The following LNP1 variants were observed in gnomAD, a reference collection of about 807,000 sequenced individuals.
LNP1 encodes the protein leukemia NUP98 fusion partner 1.
LNP1 carries 12 observed loss-of-function variants against 14.5 expected under a neutral mutation model. The observed-to-expected ratio is 0.83, with a 90% CI of 0.53 to 1.34. The LOEUF (loss-of-function observed/expected upper bound fraction) is 1.34. LNP1 is among the 40% of genes most tolerant of loss of function. The pLI is 0.00. For missense variants in LNP1, 198 were observed against 210.9 expected, an observed-to-expected ratio of 0.94 and a Z score of 0.38; for synonymous variants, 75 against 71.4, an observed-to-expected ratio of 1.05 and a Z score of -0.26.
chr3:100,433,698 C>T (rs1397192374), intron 2 of LNP1, among the ~76,000 whole-genome samples: 1 of 152,186 alleles, frequency 6.6e-6, no homozygotes, highest in Non-Finnish European at 1.5e-5. Flanking sequence ...TAAAAGTGTT[C>T]CTATTTCTCC....
At position 100,429,872 on chromosome 3, in the gene LNP1, C is replaced by A; in HGVS notation, c.143C>A (p.Ser48Tyr). Residue 48 changes from serine (S) to tyrosine (Y), a missense_variant, in exon 2 of 4, where the codon TCC (serine) becomes TAC (tyrosine). Ser to Tyr is a moderately radical substitution (Grantham distance 144, BLOSUM62 -2). Coordinates refer to ENST00000383693, the MANE Select transcript of LNP1 (RefSeq NM_001085451.2). ...CAAGCCACCAGTCACAGGAAAACCT[C>A]CCTGCCCTGCCCAGTGAGTGATTGT... ...RLQATSHRKTSLPCPLPVLPR... is the reference protein window; with the variant it reads ...RLQATSHRKTYLPCPLPVLPR... The A allele has an allele frequency of 6.2e-7, 1 of 1,613,554 alleles. No individual in the cohort carries two copies. The highest frequency in any genetic ancestry group is 8.5e-7 in the Non-Finnish European group (1 of 1,179,716).
intron 1 of LNP1, among the ~76,000 whole-genome samples, chr3:100,418,567 A>G (rs191699924): frequency 1.1e-4 from 16 of 152,294 alleles, no homozygotes; most frequent in Middle Eastern, 3.4e-3. Context: ...TTAGAATGAC[A>G]TAGGGTGCAG....
At chr3:100,416,892 C>A (rs568925218) in intron 1 of LNP1, among the ~76,000 whole-genome samples, 1 of 152,004 alleles carries the variant, frequency 6.6e-6, no homozygotes, top group South Asian at 2.1e-4. Context: ...TTTCCCCTAA[C>A]CCAGCAACAG....
chr3:100,449,806 A>G (rs1449364090), intron 2 of LNP1, among the ~76,000 whole-genome samples: 1 of 152,176 alleles, frequency 6.6e-6, no homozygotes, highest in Non-Finnish European at 1.5e-5. Flanking sequence ...TCTTATTACC[A>G]TATTTTAGTT....
chr3:100,455,757 T>G lies in LNP1; in HGVS notation c.388-20T>G. 1 of 1,613,260 alleles carries G rather than the reference T, an allele frequency of 6.2e-7. No homozygotes were observed. The highest frequency in any genetic ancestry group is 8.5e-7 in the Non-Finnish European group (1 of 1,179,522). The stretch of plus-strand genomic sequence containing the variant: ...CAGCTGCTTGTGCATTTTTACCTGT[T>G]TCTGATCTTTCCCTTTCAGGGACCT... On this transcript the variant is annotated intron_variant, in intron 3 of 3. Coordinates refer to ENST00000383693, the MANE Select transcript of LNP1 (RefSeq NM_001085451.2).
At chr3:100,419,736 T>C (rs1327602703) in intron 1 of LNP1, among the ~76,000 whole-genome samples, 1 of 152,048 alleles carries the variant, frequency 6.6e-6, no homozygotes, top group African/African-American at 2.4e-5. Context: ...TGGAATTATA[T>C]TTTATTTATA....
At chr3:100,448,873 T>C (rs183303110) in intron 2 of LNP1, among the ~76,000 whole-genome samples, 73 of 152,328 alleles carry the variant, frequency 4.8e-4, no homozygotes, top group Middle Eastern at 3.4e-3. Context: ...CCGTTTTTTT[T>C]CCTATCTTAG....
intron 1 of LNP1, among the ~76,000 whole-genome samples, chr3:100,415,146 T>A (rs1386140873): frequency 6.6e-6 from 1 of 152,160 alleles, no homozygotes; most frequent in East Asian, 1.9e-4. Flanking sequence ...AAAGATCAGT[T>A]TGGGTACATT....
chr3:100,451,876 AT>A lies in LNP1; in HGVS notation c.316del (p.Ser106ProfsTer38), dbSNP rs1163837367. The A allele has an allele frequency of 7.5e-7, 1 of 1,335,018 alleles. No homozygotes were observed. The allele number at this position is 1,335,018 out of a possible 1,614,324, so 82.7% of individuals were successfully genotyped here. A position where few individuals can be genotyped will look rare whatever the true frequency, so the allele number is the denominator to read the frequency against. ...CCACTGGAATCAAAAGGAAGATCCC[AT>A]TCCAAAATTGAGAAATTTTCAGAGT... ...KEPLESKGRSHSKIEKFSESF... is the reference protein window; with the variant it reads ...KEPLESKGRSXSKIEKFSESF... On this transcript the variant is annotated frameshift_variant, in exon 3 of 4. Transcript: ENST00000383693. LOFTEE classifies it high-confidence loss of function.
intron 1 of LNP1, among the ~76,000 whole-genome samples, chr3:100,410,705 A>G (rs1457012538): frequency 3.3e-5 from 5 of 152,232 alleles, no homozygotes; most frequent in Non-Finnish European, 4.4e-5. Context: ...GCTGGCTGAG[A>G]CTAAGGAAAC....
chr3:100,410,866 C>G (rs57166766), intron 1 of LNP1, among the ~76,000 whole-genome samples: 16,161 of 152,258 alleles, frequency 0.11, 1,262 homozygotes, highest in African/African-American at 0.21. Flanking sequence ...GGCTGCCAGT[C>G]CCACTACAGG....
chr3:100,450,461 G>T (rs1326011173), intron 2 of LNP1, among the ~76,000 whole-genome samples: 1 of 151,886 alleles, frequency 6.6e-6, no homozygotes, highest in Non-Finnish European at 1.5e-5. Flanking sequence ...AGCCTCCCGG[G>T]TAGCTGGGAC....
At chr3:100,451,662 T>C in intron 2 of LNP1, 57 bp from the exon 3 acceptor site, 1 of 533,210 alleles carries the variant, frequency 1.9e-6, no homozygotes, top group Non-Finnish European at 3.0e-6. Context: ...ATTCTGCCTC[T>C]GTGCTAACAT....
chr3:100,423,719 G>A (rs1707166498), intron 1 of LNP1, among the ~76,000 whole-genome samples: 1 of 151,866 alleles, frequency 6.6e-6, no homozygotes, highest in South Asian at 2.1e-4. Context: ...TCATTTTCTT[G>A]AGTGTCAGCA....
chr3:100,450,973 T>C (rs1464068588), intron 2 of LNP1, among the ~76,000 whole-genome samples: 2 of 152,172 alleles, frequency 1.3e-5, no homozygotes, highest in African/African-American at 4.8e-5. Context: ...TCAGCGACTC[T>C]CTGGAGGGGG....
rs150898898 is a variant in LNP1 at position 100,441,722 on chromosome 3, G to A, written c.157-9997G>A. ...CTGTTGCCCAGGCTGGAGCGCAGTG[G>A]TGCAATCTCAGCTCACTGCAACCTC... On this transcript the variant is annotated intron_variant, in intron 2 of 3. Transcript: ENST00000383693. 8.7e-3 allele frequency among the ~76,000 whole-genome samples: 1,321 copies of A among 152,044 alleles called. 20 individuals are homozygous for A. The highest frequency in any genetic ancestry group is 0.031 in the African/African-American group (1,284 of 41,464).
chr3:100,405,287 A>G (rs1706955004), intron 1 of LNP1, among the ~76,000 whole-genome samples: 1 of 152,216 alleles, frequency 6.6e-6, no homozygotes, highest in Admixed American at 6.5e-5. Flanking sequence ...TTGTTGTAAT[A>G]TCTTTCTTAT....
At position 100,455,791 on chromosome 3, in the gene LNP1, A is replaced by G. The variant is rs746507995; in HGVS notation, c.402A>G (p.Arg134=). Residue 134 remains arginine (R), a synonymous_variant, in exon 4 of 4, where the codon AGA becomes AGG. Coordinates refer to ENST00000383693, the MANE Select transcript of LNP1 (RefSeq NM_001085451.2). ...KRSASLGPES[R]KERNERECLR... ...TTCCCTTTCAGGGACCTGAAAGCAG[A>G]AAGGAGAGAAATGAAAGAGAATGCC... 12 of 1,613,886 alleles carry G rather than the reference A, an allele frequency of 7.4e-6. No individual in the cohort carries two copies. Among genetic ancestry groups the G allele is most frequent in the Non-Finnish European group, 8.5e-6 (10 of 1,179,940 alleles).
chr3:100,404,993 C>G (rs184807837), intron 1 of LNP1, among the ~76,000 whole-genome samples: 7 of 151,940 alleles, frequency 4.6e-5, no homozygotes, highest in Non-Finnish European at 1.0e-4. Context: ...GGGGTTTCAC[C>G]GTGTTAGCCA....
Sources: allele counts gnomAD v4.1 joint callset (sites outside exome capture counted in the v4.1 genomes callset), GRCh38; gene constraint gnomAD v4.1.1; transcripts MANE v1.5; gene names NCBI Gene and HGNC (gene_info 2026-07-23, HGNC 2026-07-21).